BBX: variants seen among roughly 807,000 people sequenced by gnomAD.
BBX encodes BBX high mobility group box domain containing, also known as HMG box transcription factor BBX.
A neutral mutation model predicts 100.2 loss-of-function variants in BBX; 30 were observed. The observed-to-expected ratio is 0.30, with a 90% CI of 0.22 to 0.41. The LOEUF is 0.41. BBX is among the 10% of genes least tolerant of loss of function. The pLI, the probability that BBX is intolerant of heterozygous loss-of-function variation, is 1.00. For missense variants in BBX, 1,023 were observed against 1,129.8 expected (o/e 0.91, Z 1.35); for synonymous variants, 376 against 388.1 (o/e 0.97, Z 0.37).
intron 13 of BBX, among the ~76,000 whole-genome samples, chr3:107,779,902 A>G (rs1242153123): frequency 5.9e-5 from 9 of 152,138 alleles, no homozygotes. Context: ...CCAGGGAGGT[A>G]TAGAAACGTC....
Position 107,546,076 on chromosome 3 carries a change from G to A in BBX, c.-84+19678G>A, listed in dbSNP as rs542926480. ...TGCTTAACCCACTGGCTACTGAACA[G>A]TTTGACTGCACTGTAATACACAACC... On this transcript the variant is annotated intron_variant, in intron 2 of 17. Transcript: ENST00000325805. Among the ~76,000 whole-genome samples the A allele has an allele frequency of 6.6e-5, 10 of 152,286 alleles. No individual in the cohort carries two copies. In the South Asian group the frequency reaches 1.9e-3, roughly 28 times the overall value.
At chr3:107,751,403 A>G (rs1280594099) in intron 9 of BBX, among the ~76,000 whole-genome samples, 1 of 152,216 alleles carries the variant, frequency 6.6e-6, no homozygotes, top group Non-Finnish European at 1.5e-5. Flanking sequence ...CTCTTTTAAC[A>G]CTGGGAAAAA....
At chr3:107,655,710 T>A (rs1300389398) in intron 3 of BBX, among the ~76,000 whole-genome samples, 3 of 151,010 alleles carry the variant, frequency 2.0e-5, no homozygotes, top group Admixed American at 1.3e-4. Flanking sequence ...TTTTATTTTT[T>A]TTTTTTTTGA....
At chr3:107,690,637 C>CT (rs1334230876) in intron 3 of BBX, among the ~76,000 whole-genome samples, 6 of 151,700 alleles carry the variant, frequency 4.0e-5, no homozygotes, top group South Asian at 2.1e-4. Flanking sequence ...TACAGAGTAG[C>CT]TTTTTTTTGG....
In BBX at chr3:107,773,515, C is replaced by G; in HGVS notation, c.1794C>G (p.Asp598Glu). The change falls in exon 11 of 18, where the codon GAC (aspartate) becomes GAG (glutamate). Residue 598 changes from aspartate (D) to glutamate (E), a missense_variant. Physicochemically the swap from Asp to Glu is conservative, Grantham distance 45. Coordinates refer to ENST00000325805, the MANE Select transcript of BBX (RefSeq NM_001142568.3). This position sits in a 1 kb window ranked among gnomAD's most constrained non-coding sequence, Gnocchi z 4.1. ...GACAGGCCAAGCCTGAGGACAGTGA[C>G]TGTCACAGAAAAATAGAAACTTGTG... ...LSGQAKPEDS[D>E]CHRKIETCGS... 24 of 1,614,074 alleles carry G rather than the reference C, an allele frequency of 1.5e-5. No homozygotes were observed. The highest frequency in any genetic ancestry group is 1.9e-5 in the Non-Finnish European group (23 of 1,179,966).
chr3:107,552,889 C>G (rs1185447514), intron 2 of BBX, among the ~76,000 whole-genome samples: 1 of 152,166 alleles, frequency 6.6e-6, no homozygotes. Flanking sequence ...ATTGCATTTC[C>G]AAATATATAG....
chr3:107,582,374 T>C (rs1161392691), intron 2 of BBX, among the ~76,000 whole-genome samples: 7 of 152,024 alleles, frequency 4.6e-5, no homozygotes, highest in African/African-American at 1.4e-4. Flanking sequence ...AAACTAATAT[T>C]TTTTAATAAC....
chr3:107,783,244 T>C (rs2068081588), intron 13 of BBX, among the ~76,000 whole-genome samples: 2 of 152,108 alleles, frequency 1.3e-5, no homozygotes, highest in Admixed American at 1.3e-4. Context: ...AGTTTGTCAC[T>C]TTCTTTTTTC....
chr3:107,534,140 T>C (rs1447366209), intron 2 of BBX, among the ~76,000 whole-genome samples: 2 of 152,232 alleles, frequency 1.3e-5, no homozygotes, highest in East Asian at 3.8e-4. Flanking sequence ...GCTAAGGAAT[T>C]GTTTATTGAT....
At chr3:107,698,025 G>C (rs1052787981) in intron 3 of BBX, among the ~76,000 whole-genome samples, 2 of 151,872 alleles carry the variant, frequency 1.3e-5, no homozygotes, top group African/African-American at 4.9e-5. Flanking sequence ...TGCGCTTCCC[G>C]AGTGAGGCAA....
intron 2 of BBX, among the ~76,000 whole-genome samples, chr3:107,541,877 G>A (rs187413482): frequency 3.3e-5 from 5 of 151,338 alleles, no homozygotes; most frequent in Admixed American, 2.0e-4. Flanking sequence ...AGAGTGCATC[G>A]GTGTGATTAT....
intron 8 of BBX, among the ~76,000 whole-genome samples, chr3:107,746,055 C>T (rs369341287): frequency 3.9e-5 from 6 of 152,176 alleles, no homozygotes; most frequent in Admixed American, 1.3e-4. Flanking sequence ...CATCCCCCTC[C>T]CCCTTTTTTT....
At chr3:107,661,514 A>G (rs981550482) in intron 3 of BBX, among the ~76,000 whole-genome samples, 1 of 152,186 alleles carries the variant, frequency 6.6e-6, no homozygotes, top group Non-Finnish European at 1.5e-5. Context: ...GATGAATTTT[A>G]ATAGGTAAAG....
chr3:107,702,615 T>C (rs1016207216), intron 3 of BBX, among the ~76,000 whole-genome samples: 4 of 152,212 alleles, frequency 2.6e-5, no homozygotes, highest in African/African-American at 9.7e-5. Context: ...ATCTGGCATG[T>C]TCATTACCCT....
At chr3:107,580,582 T>C (rs1434807362) in intron 2 of BBX, among the ~76,000 whole-genome samples, 1 of 152,182 alleles carries the variant, frequency 6.6e-6, no homozygotes, top group Non-Finnish European at 1.5e-5. Context: ...CATATGTAGG[T>C]AAGTTATCAG....
intron 15 of BBX, among the ~76,000 whole-genome samples, chr3:107,797,364 A>AT (rs71113691): frequency 3.6e-5 from 4 of 109,840 alleles, no homozygotes; most frequent in South Asian, 5.9e-4. Context: ...ATATATATAT[A>AT]GCTTTATTGC....
chr3:107,753,143 G>A (rs1000867629), intron 9 of BBX, among the ~76,000 whole-genome samples: 10 of 152,108 alleles, frequency 6.6e-5, no homozygotes, highest in African/African-American at 2.4e-4. Context: ...AGGAAAGCAA[G>A]GACCCTGCAA....
intron 2 of BBX, among the ~76,000 whole-genome samples, chr3:107,544,153 A>G (rs2049045672): frequency 6.6e-6 from 1 of 152,228 alleles, no homozygotes; most frequent in African/African-American, 2.4e-5. Flanking sequence ...CTGGGAAATG[A>G]CCATCATTCA....
chr3:107,762,148 G>A (rs539342989), intron 10 of BBX, among the ~76,000 whole-genome samples: 17 of 152,166 alleles, frequency 1.1e-4, no homozygotes, highest in Admixed American at 4.6e-4. Context: ...GTTATTTTTG[G>A]AGGAACAGAA....
Sources: allele counts gnomAD v4.1 joint callset (sites outside exome capture counted in the v4.1 genomes callset), GRCh38; gene constraint gnomAD v4.1.1; non-coding constraint Gnocchi (gnomAD v3.1); transcripts MANE v1.5; gene names NCBI Gene and HGNC (gene_info 2026-07-23, HGNC 2026-07-21).